The following RAB8B variants were observed in gnomAD, a reference collection of about 807,000 sequenced individuals.
RAB8B encodes RAB8B, member RAS oncogene family, also known as ras-related protein Rab-8B.
A neutral mutation model predicts 32.0 loss-of-function variants in RAB8B; 11 were observed. The ratio of observed to expected loss-of-function variants is 0.34; its 90% confidence interval spans 0.22 to 0.57. The LOEUF (loss-of-function observed/expected upper bound fraction) is 0.57. Among genes scored for constraint, RAB8B ranks in the 20% least tolerant of loss-of-function variants. The pLI is 0.86. For missense variants in RAB8B, 190 were observed against 258.5 expected (o/e 0.73, Z 1.82); for synonymous variants, 103 against 89.6 (o/e 1.15, Z -0.85).
intron 1 of RAB8B, among the ~76,000 whole-genome samples, chr15:63,191,317 G>T (rs1466589415): frequency 6.6e-6 from 1 of 152,044 alleles, no homozygotes; most frequent in Non-Finnish European, 1.5e-5. Context: ...AGAGTATTTG[G>T]TATAGAACAC....
At chr15:63,230,813 T>C (rs2037930434) in intron 1 of RAB8B, among the ~76,000 whole-genome samples, 1 of 152,206 alleles carries the variant, frequency 6.6e-6, no homozygotes, top group Admixed American at 6.5e-5. Context: ...CTCCTGCCTC[T>C]GTCTCCCGAG....
At chr15:63,242,874 G>T (rs1405796785) in intron 1 of RAB8B, among the ~76,000 whole-genome samples, 1 of 152,120 alleles carries the variant, frequency 6.6e-6, no homozygotes, top group Non-Finnish European at 1.5e-5. Context: ...TGGTGGTGTG[G>T]GGGTGGGGGT....
intron 6 of RAB8B, among the ~76,000 whole-genome samples, chr15:63,262,214 T>C (rs904025126): frequency 1.3e-5 from 2 of 152,110 alleles, no homozygotes; most frequent in Non-Finnish European, 2.9e-5. Flanking sequence ...GGAAGTGGGG[T>C]AGCTTAGACA....
chr15:63,209,130 A>G (rs556304985), intron 1 of RAB8B, among the ~76,000 whole-genome samples: 15 of 152,090 alleles, frequency 9.9e-5, no homozygotes, highest in South Asian at 4.2e-4. Flanking sequence ...AGCTCACGCA[A>G]TCTACCTGCC....
At position 63,259,591 on chromosome 15, in the gene RAB8B, T is replaced by G. The variant is rs1269649845; in HGVS notation, c.415-36T>G. 2.6e-6 allele frequency: 4 copies of G among 1,567,518 alleles called. No individual in the cohort carries two copies. The highest frequency in any genetic ancestry group is 1.7e-5 in the Admixed American group (1 of 59,860). ...CAAATGCATTATGTGTTCAAGTATC[T>G]TTTGCTAAATTTAAATATTTCTGTT... On this transcript the variant is annotated intron_variant, in intron 5 of 7. Coordinates refer to ENST00000321437, the MANE Select transcript of RAB8B (RefSeq NM_016530.3). This position sits in a 1 kb window ranked among gnomAD's most constrained non-coding sequence, Gnocchi z 4.4.
In RAB8B at chr15:63,267,472, C is replaced by T. The variant is rs1251175774; in HGVS notation, c.*3853C>T. 6.6e-6 allele frequency: 1 copy of T among 152,246 alleles called. No homozygotes were observed. The highest frequency in any genetic ancestry group is 2.4e-5 in the African/African-American group (1 of 41,426). The allele number at this position is 152,246 out of a possible 1,614,324, so 9.4% of individuals were successfully genotyped here. A position where few individuals can be genotyped will look rare whatever the true frequency, so the allele number is the denominator to read the frequency against. ...TTTGTTTGCAGCTGACACTGCAGTT[C>T]CTTTCATGCAAAATACCATAAACTG... On this transcript the variant is annotated 3_prime_UTR_variant, in exon 8 of 8. Coordinates refer to ENST00000321437, the MANE Select transcript of RAB8B (RefSeq NM_016530.3).
At chr15:63,218,722 C>T (rs184642395) in intron 1 of RAB8B, among the ~76,000 whole-genome samples, 609 of 152,276 alleles carry the variant, frequency 4.0e-3, no homozygotes, top group Non-Finnish European at 7.1e-3. Context: ...ATCAAAGTAT[C>T]TCAGGTGATA....
At chr15:63,229,461 A>G (rs2037916141) in intron 1 of RAB8B, among the ~76,000 whole-genome samples, 1 of 152,158 alleles carries the variant, frequency 6.6e-6, no homozygotes, top group South Asian at 2.1e-4. Context: ...GTGCTCACAG[A>G]CATTCAGTGA....
intron 3 of RAB8B, among the ~76,000 whole-genome samples, chr15:63,250,465 C>T (rs543860856): frequency 1.7e-3 from 264 of 152,196 alleles, no homozygotes; most frequent in African/African-American, 5.6e-3. Context: ...GCCAGCTGGC[C>T]GGAAAGAATC....
Position 63,256,537 on chromosome 15 carries a change from G to C in RAB8B, c.357G>C (p.Leu119=). 1 of 1,603,934 alleles carries C rather than the reference G, an allele frequency of 6.2e-7. No individual in the cohort carries two copies. The highest frequency in any genetic ancestry group is 8.5e-7 in the Non-Finnish European group (1 of 1,176,834). ...CTTCCGATGTCGAAAGAATGATCCT[G>C]GGTAACAAATGTGATATGAATGACA... ...HASSDVERMI[L]GNKCDMNDKR... Residue 119 remains leucine (L), a synonymous_variant, in exon 5 of 8, where the codon CTG becomes CTC. Coordinates refer to ENST00000321437, the MANE Select transcript of RAB8B (RefSeq NM_016530.3).
intron 1 of RAB8B, among the ~76,000 whole-genome samples, chr15:63,219,307 AAAAG>A (rs1039349272): frequency 4.0e-4 from 61 of 151,956 alleles, no homozygotes; most frequent in African/African-American, 9.4e-4. Context: ...AAAAAAAAAA[AAAAG>A]AAAGAAAGAG....
intron 2 of RAB8B, among the ~76,000 whole-genome samples, chr15:63,245,483 A>G (rs1295883030): frequency 1.3e-5 from 2 of 152,186 alleles, no homozygotes; most frequent in African/African-American, 4.8e-5. Flanking sequence ...CCCCACCACC[A>G]CCAGGTAATT....
At chr15:63,196,719 TTTGAG>T (rs1323403115) in intron 1 of RAB8B, among the ~76,000 whole-genome samples, 1 of 152,212 alleles carries the variant, frequency 6.6e-6, no homozygotes, top group Non-Finnish European at 1.5e-5. Flanking sequence ...TTAGATGATA[TTTGAG>T]TTAAGATAAA....
intron 1 of RAB8B, among the ~76,000 whole-genome samples, chr15:63,229,185 G>A (rs989729620): frequency 6.6e-6 from 1 of 152,210 alleles, no homozygotes; most frequent in Non-Finnish European, 1.5e-5. Flanking sequence ...CCAGCATTGG[G>A]AAATAAGGGG....
chr15:63,245,444 A>G (rs545051429), intron 2 of RAB8B, among the ~76,000 whole-genome samples: 61 of 152,354 alleles, frequency 4.0e-4, no homozygotes, highest in Middle Eastern at 3.4e-3. Flanking sequence ...ATAGCACAGT[A>G]CTTCTGACAC....
intron 1 of RAB8B, among the ~76,000 whole-genome samples, chr15:63,224,777 A>C (rs1411268526): frequency 6.6e-6 from 1 of 152,188 alleles, no homozygotes; most frequent in African/African-American, 2.4e-5. Context: ...TAAGGGATGT[A>C]TTAGAAACAG....
chr15:63,263,513 C>G lies in RAB8B; in HGVS notation c.532-14C>G, dbSNP rs2038218653. 1 of 1,589,918 alleles carries G rather than the reference C, an allele frequency of 6.3e-7. No individual in the cohort carries two copies. The highest frequency in any genetic ancestry group is 1.4e-5 in the African/African-American group (1 of 73,784). On this transcript the variant is annotated splice_polypyrimidine_tract_variant and intron_variant, in intron 7 of 7. Transcript: ENST00000321437. ...ACTTTTATTTCCTTGGTAACTTCAT[C>G]TTCTATTTTTTAGAATGACAGCAAT...
chr15:63,207,553 G>GT (rs1309046148), intron 1 of RAB8B, among the ~76,000 whole-genome samples: 2 of 151,580 alleles, frequency 1.3e-5, no homozygotes, highest in East Asian at 1.9e-4. Flanking sequence ...CTTTTCCTTA[G>GT]TTTTTTGTTT....
At chr15:63,194,998 C>T (rs762146489) in intron 1 of RAB8B, among the ~76,000 whole-genome samples, 6 of 152,164 alleles carry the variant, frequency 3.9e-5, no homozygotes, top group Non-Finnish European at 7.4e-5. Flanking sequence ...GAAAAACAAA[C>T]TTTGTCATAT....
Sources: allele counts gnomAD v4.1 joint callset (sites outside exome capture counted in the v4.1 genomes callset), GRCh38; gene constraint gnomAD v4.1.1; non-coding constraint Gnocchi (gnomAD v3.1); transcripts MANE v1.5; gene names NCBI Gene and HGNC (gene_info 2026-07-23, HGNC 2026-07-21).